The following COP1 variants were observed in gnomAD, a reference collection of about 807,000 sequenced individuals.
The protein encoded by COP1 is COP1 E3 ubiquitin ligase.
In COP1, 24 loss-of-function variants were observed where a neutral mutation model predicts 101.3. The observed-to-expected ratio is 0.24, with a 90% CI of 0.17 to 0.33. The LOEUF is 0.33. COP1 is among the 10% of genes least tolerant of loss of function. The probability of loss-of-function intolerance (pLI) is 1.00; values close to 1 mark genes in which losing one functional copy is unlikely to be tolerated. For synonymous variants in COP1, 347 were observed against 341.9 expected (o/e 1.01, Z -0.17); for missense variants, 663 against 906.2 (o/e 0.73, Z 3.45).
chr1:176,142,469 A>C (rs1690851579), intron 6 of COP1, among the ~76,000 whole-genome samples: 1 of 152,184 alleles, frequency 6.6e-6, no homozygotes, highest in African/African-American at 2.4e-5. Flanking sequence ...ATCTATAAGA[A>C]ATTCACCTAA....
chr1:176,060,018 C>T (rs925976653), intron 11 of COP1, among the ~76,000 whole-genome samples: 3 of 152,022 alleles, frequency 2.0e-5, no homozygotes, highest in African/African-American at 4.8e-5. Context: ...AATTGCTGAC[C>T]TTATTCTGAA....
chr1:175,963,241 A>C (rs1651600699), intron 18 of COP1, among the ~76,000 whole-genome samples: 1 of 152,048 alleles, frequency 6.6e-6, no homozygotes, highest in South Asian at 2.1e-4. Context: ...AAGAAGGTCT[A>C]AACTTTTTTT....
chr1:176,078,960 T>A (rs193127558), intron 11 of COP1, among the ~76,000 whole-genome samples: 2 of 152,098 alleles, frequency 1.3e-5, no homozygotes, highest in Admixed American at 1.3e-4. Flanking sequence ...CATAGCAGAA[T>A]GGCAATTATT....
chr1:176,141,239 C>T (rs897984794), intron 6 of COP1, among the ~76,000 whole-genome samples: 1 of 152,190 alleles, frequency 6.6e-6, no homozygotes, highest in Non-Finnish European at 1.5e-5. Context: ...CGGTGGCTCA[C>T]GCCTGTAAGC....
At chr1:176,187,369 CTATATACACATA>C (rs1357915036) in intron 1 of COP1, among the ~76,000 whole-genome samples, 3 of 149,366 alleles carry the variant, frequency 2.0e-5, no homozygotes, top group Non-Finnish European at 3.0e-5. Flanking sequence ...TATATACACA[CTATATACACATA>C]TATATACACA....
chr1:176,165,441 TC>T (rs1694985132), intron 3 of COP1, among the ~76,000 whole-genome samples: 1 of 149,056 alleles, frequency 6.7e-6, no homozygotes, highest in South Asian at 2.2e-4. Flanking sequence ...AATATAGTCA[TC>T]CCAGCACTTT....
At chr1:175,961,609 T>C (rs1381011885) in intron 18 of COP1, among the ~76,000 whole-genome samples, 2 of 146,854 alleles carry the variant, frequency 1.4e-5, no homozygotes, top group African/African-American at 2.5e-5. Flanking sequence ...GGCGGGAGGA[T>C]CACCTGAGCC....
At chr1:175,997,327 C>G (rs1388749038) in intron 15 of COP1, among the ~76,000 whole-genome samples, 1 of 152,178 alleles carries the variant, frequency 6.6e-6, no homozygotes, top group Non-Finnish European at 1.5e-5. Flanking sequence ...CCATTCAGGA[C>G]ATAGGCATGG....
chr1:176,003,298 G>T (rs1196630026), intron 15 of COP1, among the ~76,000 whole-genome samples: 25 of 152,106 alleles, frequency 1.6e-4, no homozygotes, highest in Admixed American at 1.6e-3. Flanking sequence ...CATTCTGTAG[G>T]TTGCCTGTTC....
At chr1:175,952,991 G>GT (rs749355550) in intron 18 of COP1, among the ~76,000 whole-genome samples, 2 of 152,136 alleles carry the variant, frequency 1.3e-5, no homozygotes, top group East Asian at 3.8e-4. Context: ...TTGATTTCTT[G>GT]TTTTTAAGTT....
chr1:176,015,553 G>A lies in COP1; in HGVS notation c.1729+12019C>T, dbSNP rs1665479061. Among the ~76,000 whole-genome samples, 3 of 152,208 alleles carry A rather than the reference G, an allele frequency of 2.0e-5. 1 individual carries two copies. In the South Asian group the frequency reaches 6.2e-4, roughly 32 times the overall value. On this transcript the variant is annotated intron_variant, in intron 15 of 19. Coordinates refer to ENST00000367669, the MANE Select transcript of COP1 (RefSeq NM_022457.7). ...ACAATAATTGAGCTGAGTACAATGTGTGCCTCAAGGTTATATCTTGATAAC... is the reference window on the plus strand; with the variant it reads ...ACAATAATTGAGCTGAGTACAATGTATGCCTCAAGGTTATATCTTGATAAC...
rs73040915 is a variant in COP1, at chr1:176,064,653, G to T, written c.1277+16499C>A. Among the ~76,000 whole-genome samples the T allele has an allele frequency of 4.0e-3, 601 of 151,982 alleles. 4 individuals carry two copies. The highest frequency in any genetic ancestry group is 1.0e-2 in the African/African-American group (413 of 41,496). On this transcript the variant is annotated intron_variant, in intron 11 of 19. Transcript: ENST00000367669. ...CCGCAGTGTTACGGTTTCTTTCCCCGTTTTCTTTCTTTTTTTTTGAGATGG... is the reference window on the plus strand; with the variant it reads ...CCGCAGTGTTACGGTTTCTTTCCCCTTTTTCTTTCTTTTTTTTTGAGATGG...
chr1:176,147,632 C>T (rs1159749247), intron 6 of COP1, among the ~76,000 whole-genome samples: 1 of 151,932 alleles, frequency 6.6e-6, no homozygotes, highest in Non-Finnish European at 1.5e-5. Context: ...AGATTCAAAC[C>T]AAAATCAAGC....
intron 5 of COP1, among the ~76,000 whole-genome samples, chr1:176,151,973 C>A (rs704825): frequency 0.87 from 129,763 of 149,894 alleles, 58,098 homozygotes; most frequent in Non-Finnish European, 0.98. Flanking sequence ...TTTTTTGCAT[C>A]AGACTTTCTA....
At chr1:176,114,163 C>T (rs576764019) in intron 9 of COP1, among the ~76,000 whole-genome samples, 1 of 152,108 alleles carries the variant, frequency 6.6e-6, no homozygotes, top group Non-Finnish European at 1.5e-5. Flanking sequence ...TATTCTCTCT[C>T]AAGTTCCTAC....
intron 9 of COP1, among the ~76,000 whole-genome samples, chr1:176,113,640 A>T (rs1685667760): frequency 6.6e-6 from 1 of 152,194 alleles, no homozygotes. Context: ...AGACCAATTA[A>T]AAAAACACCT....
intron 9 of COP1, among the ~76,000 whole-genome samples, chr1:176,113,091 G>C (rs576812694): frequency 1.1e-4 from 16 of 152,250 alleles, no homozygotes; most frequent in African/African-American, 3.9e-4. Context: ...TGGAACATAT[G>C]ACAGTTCTAT....
chr1:176,115,001 C>A (rs963421426), intron 9 of COP1, among the ~76,000 whole-genome samples: 1 of 151,940 alleles, frequency 6.6e-6, no homozygotes, highest in Non-Finnish European at 1.5e-5. Flanking sequence ...AGAAATTATA[C>A]GCATATATAG....
intron 5 of COP1, among the ~76,000 whole-genome samples, chr1:176,152,117 C>T (rs1692704650): frequency 6.6e-6 from 1 of 152,002 alleles, no homozygotes. Context: ...ATGGCGACAC[C>T]CCATCTCTAC....
Sources: allele counts gnomAD v4.1 joint callset (sites outside exome capture counted in the v4.1 genomes callset), GRCh38; gene constraint gnomAD v4.1.1; transcripts MANE v1.5; gene names NCBI Gene and HGNC (gene_info 2026-07-23, HGNC 2026-07-21).